Variants in ATP8B4 observed in about 807,000 individuals in gnomAD.
The protein encoded by ATP8B4 is ATPase phospholipid transporting 8B4 (putative).
ATP8B4 carries 133 observed loss-of-function variants against 145.6 expected under a neutral mutation model. The ratio of observed to expected loss-of-function variants is 0.91; its 90% CI spans 0.79 to 1.05. The LOEUF is 1.05. ATP8B4 is among the 50% of genes least tolerant of loss of function. ATP8B4 has a pLI of 0.00. For synonymous variants in ATP8B4, 507 were observed against 492.9 expected, an observed-to-expected ratio of 1.03 and a Z score of -0.38; for missense variants, 1,458 against 1,425.2, an observed-to-expected ratio of 1.02 and a Z score of -0.37.
intron 20 of ATP8B4, among the ~76,000 whole-genome samples, chr15:49,905,739 A>G (rs1183119030): frequency 6.6e-6 from 1 of 152,128 alleles, no homozygotes; most frequent in Non-Finnish European, 1.5e-5. Flanking sequence ...CTCATTAAAA[A>G]AGATAATTTT....
At chr15:49,970,041 T>C (rs1372616850) in intron 13 of ATP8B4, among the ~76,000 whole-genome samples, 1 of 152,206 alleles carries the variant, frequency 6.6e-6, no homozygotes, top group East Asian at 1.9e-4. Flanking sequence ...TCTCAATAGA[T>C]GCAGAAAAGG....
chr15:50,067,544 C>A (rs568456129), intron 3 of ATP8B4, among the ~76,000 whole-genome samples: 24 of 152,300 alleles, frequency 1.6e-4, no homozygotes, highest in Non-Finnish European at 3.1e-4. Context: ...GCTCTCCTTT[C>A]CCTAGCATTT....
chr15:50,030,171 G>A (rs2050323997), intron 6 of ATP8B4, among the ~76,000 whole-genome samples: 1 of 151,732 alleles, frequency 6.6e-6, no homozygotes, highest in Non-Finnish European at 1.5e-5. Flanking sequence ...AGGCCTTTGT[G>A]GTTGAGGTTT....
At chr15:50,024,103 A>C (rs2049824557) in intron 6 of ATP8B4, among the ~76,000 whole-genome samples, 1 of 152,214 alleles carries the variant, frequency 6.6e-6, no homozygotes, top group Admixed American at 6.5e-5. Context: ...AAAGTTATGC[A>C]TCTAGCAGTT....
chr15:50,019,002 C>T (rs983089056), intron 6 of ATP8B4: 47 of 1,093,518 alleles, frequency 4.3e-5, no homozygotes, highest in East Asian at 1.2e-4. Context: ...AAACAAAGTT[C>T]GAGTCAATGT....
chr15:49,949,872 G>T (rs1740845797), intron 14 of ATP8B4, among the ~76,000 whole-genome samples: 2 of 152,148 alleles, frequency 1.3e-5, no homozygotes, highest in Non-Finnish European at 2.9e-5. Context: ...AACATTAAGG[G>T]ATGTTAAAGT....
intron 1 of ATP8B4, among the ~76,000 whole-genome samples, chr15:50,155,969 C>A (rs992987058): frequency 6.7e-6 from 1 of 148,230 alleles, no homozygotes; most frequent in Non-Finnish European, 1.5e-5. Context: ...GAGTTTAGGG[C>A]TAAACTTTCA....
chr15:50,036,054 CTT>C (rs2050811458), intron 6 of ATP8B4, among the ~76,000 whole-genome samples: 1 of 152,198 alleles, frequency 6.6e-6, no homozygotes, highest in Non-Finnish European at 1.5e-5. Context: ...GGCCAAAACA[CTT>C]TTTAAATATT....
rs2045983111 is a variant in ATP8B4 at position 49,979,662 on chromosome 15, T to C, written c.989A>G (p.Tyr330Cys). Reference protein sequence around the residue: ...VFSGFLTFWSYIIILNTVVPI... With the variant: ...VFSGFLTFWSCIIILNTVVPI... ...TACAACTGTATTGAGAATAATAATA[T>C]ATGACCAGAATGTTAAGAATCCGGA... The change falls in exon 12 of 28, where the codon TAT (tyrosine) becomes TGT (cysteine). Residue 330 changes from tyrosine (Y) to cysteine (C), a missense_variant. Coordinates refer to ENST00000284509, the MANE Select transcript of ATP8B4 (RefSeq NM_024837.4). 1 of 1,602,348 alleles carries C rather than the reference T, an allele frequency of 6.2e-7. No individual in the cohort carries two copies. The highest frequency in any genetic ancestry group is 8.5e-7 in the Non-Finnish European group (1 of 1,171,788).
At chr15:50,141,236 A>G (rs2044204798) in intron 1 of ATP8B4, among the ~76,000 whole-genome samples, 1 of 152,102 alleles carries the variant, frequency 6.6e-6, no homozygotes, top group African/African-American at 2.4e-5. Context: ...AGATAAGCTC[A>G]AGGGCTCTTT....
At chr15:50,144,435 A>T (rs1034813810) in intron 1 of ATP8B4, among the ~76,000 whole-genome samples, 3 of 152,224 alleles carry the variant, frequency 2.0e-5, no homozygotes, top group African/African-American at 7.2e-5. Flanking sequence ...GGCCTCAGGA[A>T]ACTTACAATC....
chr15:50,161,333 T>A (rs1397880569), intron 1 of ATP8B4, among the ~76,000 whole-genome samples: 2 of 152,224 alleles, frequency 1.3e-5, no homozygotes, highest in East Asian at 3.9e-4. Context: ...CCACTGTATG[T>A]CTTTTCATTG....
chr15:49,945,569 T>C (rs7183166), intron 14 of ATP8B4, among the ~76,000 whole-genome samples: 57,592 of 151,888 alleles, frequency 0.38, 11,547 homozygotes, highest in African/African-American at 0.42. Flanking sequence ...AAAGTATATA[T>C]AAGCTGATTA....
chr15:49,936,014 T>C (rs1237923949), intron 14 of ATP8B4, among the ~76,000 whole-genome samples: 1 of 152,142 alleles, frequency 6.6e-6, no homozygotes. Flanking sequence ...TATTTCACTA[T>C]AGAGGTTTAA....
chr15:49,955,224 G>A (rs984216051), intron 14 of ATP8B4, among the ~76,000 whole-genome samples: 2 of 152,184 alleles, frequency 1.3e-5, no homozygotes, highest in Admixed American at 6.5e-5. Flanking sequence ...CTTGGGTACT[G>A]TGCTTACTAC....
intron 23 of ATP8B4, among the ~76,000 whole-genome samples, chr15:49,886,079 C>T (rs1316573594): frequency 6.6e-6 from 1 of 152,208 alleles, no homozygotes; most frequent in African/African-American, 2.4e-5. Flanking sequence ...TACTGACTTA[C>T]AATTATTTAT....
At chr15:49,946,425 C>T (rs2042569496) in intron 14 of ATP8B4, among the ~76,000 whole-genome samples, 1 of 152,136 alleles carries the variant, frequency 6.6e-6, no homozygotes, top group African/African-American at 2.4e-5. Flanking sequence ...AGTTCTATAC[C>T]ACACACAAAC....
At chr15:50,020,242 A>G (rs911817197) in intron 6 of ATP8B4, among the ~76,000 whole-genome samples, 1 of 148,110 alleles carries the variant, frequency 6.8e-6, no homozygotes, top group Non-Finnish European at 1.5e-5. Flanking sequence ...GGCATAGGCT[A>G]CTGCAACAGG....
Position 50,019,029 on chromosome 15 carries a change from A to C in ATP8B4, c.363-8112T>G, listed in dbSNP as rs533248391. ...AGTCAATGTAAATCCATGAATGACAAATCTTGATCGGTCATTTAAACAAAA... is the reference window on the plus strand; with the variant it reads ...AGTCAATGTAAATCCATGAATGACACATCTTGATCGGTCATTTAAACAAAA... On this transcript the variant is annotated intron_variant, in intron 6 of 27. Coordinates refer to ENST00000284509, the MANE Select transcript of ATP8B4 (RefSeq NM_024837.4). 128 of 883,728 alleles carry C rather than the reference A, an allele frequency of 1.4e-4. No individual in the cohort carries two copies. The African/African-American group carries it at 2.1e-3, about 14-fold the overall frequency. 54.7% of individuals were successfully genotyped at this position (883,728 alleles called of 1,614,324 possible).
Sources: gnomAD v4.1 joint callset for allele counts (sites outside exome capture counted in the v4.1 genomes callset) on GRCh38, gnomAD v4.1.1 for gene constraint, MANE v1.5 for transcripts, NCBI Gene and HGNC (gene_info 2026-07-23, HGNC 2026-07-21) for gene names.